The following NSD3 variants were observed in gnomAD, a reference collection of about 807,000 sequenced individuals.
The protein encoded by NSD3 is histone-lysine N-methyltransferase NSD3.
In NSD3, 24 loss-of-function variants were observed where a neutral mutation model predicts 160.8. That is an observed-to-expected ratio of 0.15 (90% CI 0.11 to 0.21). NSD3 has a LOEUF of 0.21. Among genes scored for constraint, NSD3 ranks in the 10% least tolerant of loss-of-function variants. NSD3 has a pLI of 1.00. For missense variants in NSD3, 1,157 were observed against 1,735.9 expected (o/e 0.67, Z 5.93); for synonymous variants, 520 against 600.0 (o/e 0.87, Z 1.95).
intron 1 of NSD3, among the ~76,000 whole-genome samples, chr8:38,376,907 C>T (rs1471408415): frequency 6.6e-6 from 1 of 152,100 alleles, no homozygotes; most frequent in Non-Finnish European, 1.5e-5. Context: ...GAACTTAATT[C>T]AGGACCAACT....
intron 1 of NSD3, among the ~76,000 whole-genome samples, chr8:38,357,424 T>TA (rs1477668174): frequency 1.3e-5 from 2 of 152,178 alleles, no homozygotes; most frequent in Non-Finnish European, 2.9e-5. Flanking sequence ...TGTACTCTAG[T>TA]AATATAAAAT....
chr8:38,315,361 A>C, intron 11 of NSD3, 55 bp downstream of exon 11: 1 of 1,484,610 alleles, frequency 6.7e-7, no homozygotes, highest in Non-Finnish European at 8.9e-7. Flanking sequence ...TAAGTCTATT[A>C]CTGGCAGAAT....
rs182010112 is a variant in NSD3, at chr8:38,306,785, G to A, written c.2243-1340C>T. On this transcript the variant is annotated intron_variant, in intron 12 of 23. Coordinates refer to ENST00000317025, the MANE Select transcript of NSD3 (RefSeq NM_023034.2). ...AATTAAAATGTGTTCATCTTCACTA[G>A]TAATCAGGTAAATGCTAACTGAAAC... is the stretch of plus-strand genomic sequence containing the variant. Among the ~76,000 whole-genome samples, 6 of 152,180 alleles carry A rather than the reference G, an allele frequency of 3.9e-5. No homozygotes were observed. In the East Asian group the frequency reaches 7.7e-4, roughly 20 times the overall value.
At chr8:38,375,698 T>C (rs1460670239) in intron 1 of NSD3, among the ~76,000 whole-genome samples, 1 of 151,940 alleles carries the variant, frequency 6.6e-6, no homozygotes, top group Admixed American at 6.6e-5. Flanking sequence ...ATAAAAAGAT[T>C]GGCCTGCAGA....
At chr8:38,374,066 G>A (rs1811327509) in intron 1 of NSD3, among the ~76,000 whole-genome samples, 1 of 151,556 alleles carries the variant, frequency 6.6e-6, no homozygotes, top group Non-Finnish European at 1.5e-5. Flanking sequence ...AGTGAGCCAT[G>A]ACTGTGCCAC....
intron 12 of NSD3, 68 bp from the exon 13 acceptor site, chr8:38,305,513 C>T (rs569399338): frequency 6.9e-4 from 1,048 of 1,512,940 alleles, no homozygotes; most frequent in Non-Finnish European, 9.0e-4. Flanking sequence ...GAAGCAGCTA[C>T]AGACATCAAA....
intron 12 of NSD3, among the ~76,000 whole-genome samples, chr8:38,312,366 C>A (rs1809553333): frequency 6.6e-6 from 1 of 152,090 alleles, no homozygotes; most frequent in South Asian, 2.1e-4. Flanking sequence ...ATACACCTAG[C>A]CTCTGTTGGA....
chr8:38,342,378 T>C (rs997140998), intron 2 of NSD3, among the ~76,000 whole-genome samples: 2 of 152,186 alleles, frequency 1.3e-5, no homozygotes, highest in Admixed American at 6.6e-5. Flanking sequence ...AGAGAAAACA[T>C]CAGAGAAAAA....
At chr8:38,323,182 G>T (rs1809831498) in intron 7 of NSD3, among the ~76,000 whole-genome samples, 1 of 152,102 alleles carries the variant, frequency 6.6e-6, no homozygotes, top group South Asian at 2.1e-4. Flanking sequence ...AGCCTCCTGA[G>T]TAGCTGGGAT....
intron 12 of NSD3, among the ~76,000 whole-genome samples, chr8:38,313,654 GGC>G (rs2131019006): frequency 6.6e-6 from 1 of 152,152 alleles, no homozygotes; most frequent in South Asian, 2.1e-4. Context: ...CAGGCGTGGT[GGC>G]AGGCACCTGT....
intron 1 of NSD3, among the ~76,000 whole-genome samples, chr8:38,355,928 T>C (rs1810812894): frequency 6.6e-6 from 1 of 152,152 alleles, no homozygotes; most frequent in Non-Finnish European, 1.5e-5. Flanking sequence ...TAGTCTGAGA[T>C]CAAGTAAATG....
At chr8:38,361,720 G>A (rs13252742) in intron 1 of NSD3, among the ~76,000 whole-genome samples, 145,601 of 147,060 alleles carry the variant, frequency 0.99, 72,088 homozygotes, top group East Asian at 1. Context: ...GCGCCACTGC[G>A]CTCCAGCCTG....
At chr8:38,325,235 G>GT (rs2150373535) in intron 7 of NSD3, among the ~76,000 whole-genome samples, 1 of 152,352 alleles carries the variant, frequency 6.6e-6, no homozygotes, top group Admixed American at 6.5e-5. Context: ...GGGAGATAGT[G>GT]TGAGAATCAA....
At chr8:38,371,815 C>G (rs1267012059) in intron 1 of NSD3, among the ~76,000 whole-genome samples, 1 of 152,108 alleles carries the variant, frequency 6.6e-6, no homozygotes, top group African/African-American at 2.4e-5. Flanking sequence ...GAGTTGTACG[C>G]AAATAGACCG....
chr8:38,349,801 C>G (rs945330878), intron 1 of NSD3, among the ~76,000 whole-genome samples: 2 of 151,416 alleles, frequency 1.3e-5, no homozygotes, highest in Non-Finnish European at 1.5e-5. Flanking sequence ...TCGTCATTTA[C>G]ATTAGGTATA....
At chr8:38,343,784 G>A (rs959848357) in intron 2 of NSD3, among the ~76,000 whole-genome samples, 10 of 152,044 alleles carry the variant, frequency 6.6e-5, no homozygotes, top group African/African-American at 2.4e-4. Flanking sequence ...GAATTTTAAG[G>A]CCTAATACTC....
chr8:38,331,400 AC>A (rs774052289), intron 5 of NSD3, 30 bp downstream of exon 5: 2 of 1,534,430 alleles, frequency 1.3e-6, no homozygotes, highest in Non-Finnish European at 8.8e-7. Flanking sequence ...TAAAAACCAT[AC>A]TAGGTAAATA....
intron 1 of NSD3, among the ~76,000 whole-genome samples, chr8:38,351,073 G>A (rs1040297355): frequency 4.0e-5 from 6 of 150,132 alleles, no homozygotes; most frequent in Non-Finnish European, 8.9e-5. Flanking sequence ...CCAGGTTCAC[G>A]CCATTCTCCT....
At chr8:38,364,444 A>G (rs980434659) in intron 1 of NSD3, among the ~76,000 whole-genome samples, 9 of 152,212 alleles carry the variant, frequency 5.9e-5, no homozygotes, top group African/African-American at 2.2e-4. Context: ...TGTTACTGTC[A>G]TCTCTCACAT....
Sources: gnomAD v4.1 joint callset for allele counts (sites outside exome capture counted in the v4.1 genomes callset) on GRCh38, gnomAD v4.1.1 for gene constraint, MANE v1.5 for transcripts, NCBI Gene and HGNC (gene_info 2026-07-23, HGNC 2026-07-21) for gene names.